Variants in CPNE8 observed in about 807,000 individuals in gnomAD.
CPNE8 encodes copine-8.
CPNE8 carries 45 observed loss-of-function variants against 81.5 expected under a neutral mutation model. The observed-to-expected ratio is 0.55, with a 90% CI of 0.44 to 0.71. The LOEUF (loss-of-function observed/expected upper bound fraction) is 0.71, where lower values mean the gene tolerates loss of function less well. Ranked by LOEUF, CPNE8 falls within the 30% of genes least tolerant of loss-of-function variation. The pLI is 0.00. For missense variants in CPNE8, 594 were observed against 672.1 expected (o/e 0.88, Z 1.28); for synonymous variants, 252 against 226.3 (o/e 1.11, Z -1.02).
chr12:38,881,079 G>T (rs1015540195), intron 1 of CPNE8, among the ~76,000 whole-genome samples: 4 of 152,044 alleles, frequency 2.6e-5, no homozygotes, highest in African/African-American at 9.6e-5. Context: ...GCGTGGTGGC[G>T]GGCGCCTTCA....
At chr12:38,783,144 T>C (rs1463148459) in intron 6 of CPNE8, among the ~76,000 whole-genome samples, 3 of 152,168 alleles carry the variant, frequency 2.0e-5, no homozygotes, top group African/African-American at 4.8e-5. Flanking sequence ...CAAGAGATTA[T>C]TAGAGATGAG....
chr12:38,762,024 T>G (rs1235356620), intron 9 of CPNE8, 88 bp downstream of exon 9: 1 of 583,768 alleles, frequency 1.7e-6, no homozygotes, highest in African/African-American at 1.9e-5. Context: ...AACCAAATTT[T>G]AATTAGCCAA....
chr12:38,677,590 GT>G (rs752307678), intron 16 of CPNE8, 36 bp from the exon 17 acceptor site: 1 of 1,188,558 alleles, frequency 8.4e-7, no homozygotes, highest in South Asian at 1.2e-5. Flanking sequence ...AAGTAAAACA[GT>G]TTTCTATATG....
At chr12:38,764,272 C>A (rs892481561) in intron 8 of CPNE8, among the ~76,000 whole-genome samples, 1 of 152,028 alleles carries the variant, frequency 6.6e-6, no homozygotes, top group African/African-American at 2.4e-5. Context: ...TAGGGGAGGG[C>A]TGTAGGGGCT....
intron 10 of CPNE8, among the ~76,000 whole-genome samples, chr12:38,760,637 G>A (rs560350079): frequency 6.6e-6 from 1 of 151,980 alleles, no homozygotes; most frequent in South Asian, 2.1e-4. Flanking sequence ...TCTTTACTAA[G>A]TTACTGGAAA....
intron 5 of CPNE8, among the ~76,000 whole-genome samples, chr12:38,832,924 C>T (rs1943312649): frequency 6.6e-6 from 1 of 151,924 alleles, no homozygotes; most frequent in Admixed American, 6.6e-5. Flanking sequence ...CATCTACAAA[C>T]CAAAATGCTA....
intron 13 of CPNE8, among the ~76,000 whole-genome samples, chr12:38,704,546 A>T (rs1443543247): frequency 2.0e-5 from 3 of 152,004 alleles, no homozygotes; most frequent in African/African-American, 7.2e-5. Context: ...ACCTAACCTA[A>T]GGAAAGTCAG....
chr12:38,668,091 G>C (rs1939099138), intron 19 of CPNE8, among the ~76,000 whole-genome samples: 1 of 152,190 alleles, frequency 6.6e-6, no homozygotes, highest in Non-Finnish European at 1.5e-5. Flanking sequence ...GAGCCACTGT[G>C]CCCGGTTGGA....
chr12:38,901,223 A>T (rs1490914675), intron 1 of CPNE8, among the ~76,000 whole-genome samples: 1 of 152,240 alleles, frequency 6.6e-6, no homozygotes, highest in Admixed American at 6.5e-5. Flanking sequence ...TCCATCTCAA[A>T]TAAATAAATA....
At chr12:38,871,696 GGAGA>G (rs1943994433) in intron 3 of CPNE8, among the ~76,000 whole-genome samples, 2 of 152,136 alleles carry the variant, frequency 1.3e-5, no homozygotes, top group Non-Finnish European at 2.9e-5. Context: ...TGAAGATACG[GGAGA>G]GAAACTCAGG....
At chr12:38,715,276 A>G (rs1358211781) in intron 13 of CPNE8, among the ~76,000 whole-genome samples, 3 of 152,124 alleles carry the variant, frequency 2.0e-5, no homozygotes, top group African/African-American at 7.2e-5. Context: ...ATTAATGTAG[A>G]GGACAAAATA....
intron 1 of CPNE8, among the ~76,000 whole-genome samples, chr12:38,891,459 T>G (rs1005498126): frequency 6.6e-6 from 1 of 152,078 alleles, no homozygotes; most frequent in Non-Finnish European, 1.5e-5. Context: ...ATTTTTTTTT[T>G]TTTTGAGACG....
At chr12:38,745,693 C>T (rs974890453) in intron 10 of CPNE8, among the ~76,000 whole-genome samples, 4 of 152,078 alleles carry the variant, frequency 2.6e-5, no homozygotes, top group African/African-American at 9.7e-5. Flanking sequence ...CAGGGGTGCA[C>T]CACCATGCTG....
chr12:38,784,104 C>T (rs1005755694), intron 6 of CPNE8, among the ~76,000 whole-genome samples: 4 of 152,062 alleles, frequency 2.6e-5, no homozygotes, highest in African/African-American at 7.2e-5. Context: ...TTTGAGGGAA[C>T]TCAAATTGAA....
chr12:38,666,927 A>AC (rs1939068514), intron 19 of CPNE8, among the ~76,000 whole-genome samples: 1 of 152,142 alleles, frequency 6.6e-6, no homozygotes, highest in Non-Finnish European at 1.5e-5. Context: ...ACATAAAGTT[A>AC]ATTAAGGACT....
chr12:38,683,384 A>G (rs752951978), intron 16 of CPNE8, among the ~76,000 whole-genome samples: 4 of 152,160 alleles, frequency 2.6e-5, no homozygotes, highest in Non-Finnish European at 4.4e-5. Flanking sequence ...TGTTTTAGAC[A>G]TTTGTTGAAT....
At chr12:38,890,588 G>A (rs910947526) in intron 1 of CPNE8, among the ~76,000 whole-genome samples, 5 of 152,016 alleles carry the variant, frequency 3.3e-5, no homozygotes, top group Admixed American at 6.6e-5. Flanking sequence ...TACAGAGTCT[G>A]GAAGAAGTAC....
chr12:38,860,281 G>A (rs550589993), intron 3 of CPNE8, among the ~76,000 whole-genome samples: 7 of 150,028 alleles, frequency 4.7e-5, no homozygotes, highest in African/African-American at 9.8e-5. Flanking sequence ...TACACAAATG[G>A]TCAACAGGTA....
chr12:38,763,514 C>A (rs1941615058), intron 8 of CPNE8, among the ~76,000 whole-genome samples: 1 of 152,174 alleles, frequency 6.6e-6, no homozygotes, highest in African/African-American at 2.4e-5. Flanking sequence ...TGGGTTCTTT[C>A]TTTATCTAAA....
Sources: allele counts gnomAD v4.1 joint callset (sites outside exome capture counted in the v4.1 genomes callset), GRCh38; gene constraint gnomAD v4.1.1; transcripts MANE v1.5; gene names NCBI Gene and HGNC (gene_info 2026-07-23, HGNC 2026-07-21).